The following PCDHA12 variants were observed in gnomAD, a reference collection of about 807,000 sequenced individuals.
PCDHA12 encodes the protein protocadherin alpha-12.
PCDHA12 carries 44 observed loss-of-function variants against 60.0 expected under a neutral mutation model. The observed-to-expected ratio is 0.73, with a 90% CI of 0.58 to 0.94. PCDHA12 has a LOEUF of 0.94. Among genes scored for constraint, PCDHA12 ranks in the 40% least tolerant of loss-of-function variants. PCDHA12 has a pLI of 0.00. For synonymous variants in PCDHA12, 569 were observed against 553.0 expected (o/e 1.03, Z -0.40); for missense variants, 1,276 against 1,239.7 (o/e 1.03, Z -0.44).
intron 1 of PCDHA12, among the ~76,000 whole-genome samples, chr5:140,890,263 A>G (rs1357896634): frequency 6.6e-6 from 1 of 152,194 alleles, no homozygotes; most frequent in Admixed American, 6.5e-5. Flanking sequence ...ACCTGATTGC[A>G]AGCAAGAACC....
At chr5:140,919,127 T>A (rs2079016296) in intron 1 of PCDHA12, among the ~76,000 whole-genome samples, 1 of 152,192 alleles carries the variant, frequency 6.6e-6, no homozygotes, top group East Asian at 1.9e-4. Flanking sequence ...TTGCTTCATG[T>A]GTTTTGGGGC....
At chr5:140,885,595 A>G (rs1386755812) in intron 1 of PCDHA12, among the ~76,000 whole-genome samples, 1 of 152,218 alleles carries the variant, frequency 6.6e-6, no homozygotes, top group Non-Finnish European at 1.5e-5. Context: ...CATCAAAGAT[A>G]TTAATAATTT....
chr5:140,899,269 A>G (rs1301807291), intron 1 of PCDHA12, among the ~76,000 whole-genome samples: 43 of 152,142 alleles, frequency 2.8e-4, no homozygotes, highest in African/African-American at 1.0e-3. Flanking sequence ...GTCTTGTGGC[A>G]GTTTTCAAAG....
Position 140,877,792 on chromosome 5 carries a change from C to A in PCDHA12, c.2320C>A (p.Pro774Thr), listed in dbSNP as rs782259804. 1.9e-6 allele frequency: 3 copies of A among 1,613,886 alleles called. No homozygotes were observed. Among genetic ancestry groups the A allele is most frequent in the Non-Finnish European group, 2.5e-6 (3 of 1,179,960 alleles). Reference sequence around the variant, plus strand: ...CAAGACGGACCTCATGGCCTTCAGCCCAAGCCTTCAGCTGTCTCGAGAAGA... The same window carrying A: ...CAAGACGGACCTCATGGCCTTCAGCACAAGCCTTCAGCTGTCTCGAGAAGA... The part of the protein sequence containing the change: ...PPKTDLMAFS[P>T]SLQLSREDCL... Residue 774 changes from proline to threonine, a missense_variant, in exon 1 of 4, where the codon CCA becomes ACA. Pro to Thr is a conservative substitution (Grantham distance 38). Transcript: ENST00000398631.
intron 1 of PCDHA12, among the ~76,000 whole-genome samples, chr5:140,936,885 T>C (rs1490428437): frequency 6.6e-6 from 1 of 152,238 alleles, no homozygotes; most frequent in Non-Finnish European, 1.5e-5. Context: ...CCTGCTTTGA[T>C]TTTAATTGGC....
intron 3 of PCDHA12, among the ~76,000 whole-genome samples, chr5:140,984,251 T>C (rs1164028325): frequency 6.6e-6 from 1 of 152,210 alleles, no homozygotes; most frequent in Non-Finnish European, 1.5e-5. Flanking sequence ...GTCGACCTGG[T>C]AAGCCACAAA....
intron 3 of PCDHA12, among the ~76,000 whole-genome samples, chr5:141,005,681 G>A (rs970656529): frequency 2.7e-5 from 3 of 112,616 alleles, no homozygotes; most frequent in African/African-American, 3.6e-5. Flanking sequence ...CAGCCTGGGC[G>A]ACAGAGCGAA....
rs1387090858 is a variant in PCDHA12, at chr5:140,923,184, T to C, written c.2367+45345T>C. Reference sequence around the variant, plus strand: ...AGATAAATTTTTGTTCAGATGCATCTACTGCAGCAATTTGGGAGGCTAAGG... The same window carrying C: ...AGATAAATTTTTGTTCAGATGCATCCACTGCAGCAATTTGGGAGGCTAAGG... On this transcript the variant is annotated intron_variant, in intron 1 of 3. Transcript: ENST00000398631. Among the ~76,000 whole-genome samples the C allele has an allele frequency of 3.9e-5, 6 of 152,146 alleles. No homozygotes were observed. In the East Asian group the frequency reaches 1.2e-3, roughly 29 times the overall value.
chr5:140,902,258 G>A (rs1389556264), intron 1 of PCDHA12, among the ~76,000 whole-genome samples: 2 of 137,592 alleles, frequency 1.5e-5, no homozygotes, highest in African/African-American at 5.6e-5. Context: ...GGCTGGTCTC[G>A]AACTCCTGGG....
chr5:140,993,234 A>AATCTG (rs1554253510), intron 3 of PCDHA12, among the ~76,000 whole-genome samples: 1 of 152,130 alleles, frequency 6.6e-6, no homozygotes, highest in Non-Finnish European at 1.5e-5. Flanking sequence ...GTTCTCTCTG[A>AATCTG]ATCTGGGGAT....
At chr5:140,956,217 T>A (rs1554222303) in intron 1 of PCDHA12, among the ~76,000 whole-genome samples, 1 of 152,208 alleles carries the variant, frequency 6.6e-6, no homozygotes, top group Non-Finnish European at 1.5e-5. Context: ...GGCATCCTTG[T>A]CTTGTGCTGG....
intron 1 of PCDHA12, among the ~76,000 whole-genome samples, chr5:140,942,619 T>TA (rs35075175): frequency 5.6e-4 from 83 of 148,996 alleles, no homozygotes; most frequent in Non-Finnish European, 6.7e-4. Flanking sequence ...TTGCCAATTG[T>TA]AAAAAAAAAA....
intron 1 of PCDHA12, chr5:140,884,124 G>C: frequency 6.2e-7 from 1 of 1,613,344 alleles, no homozygotes; most frequent in Non-Finnish European, 8.5e-7. Flanking sequence ...GTCGGCGCGC[G>C]CATCCCGTTC....
chr5:140,941,251 CTT>C (rs1177440606), intron 1 of PCDHA12, among the ~76,000 whole-genome samples: 1 of 121,786 alleles, frequency 8.2e-6, no homozygotes, highest in African/African-American at 3.1e-5. Flanking sequence ...TTCTTTCTTT[CTT>C]TCTCTTTCTT....
intron 1 of PCDHA12, among the ~76,000 whole-genome samples, chr5:140,885,181 T>A (rs561922365): frequency 6.6e-6 from 1 of 152,330 alleles, no homozygotes; most frequent in African/African-American, 2.4e-5. Flanking sequence ...TCTAGGCACA[T>A]CAGTGTTCCC....
At position 140,996,204 on chromosome 5, in the gene PCDHA12, A is replaced by G. The variant is rs1405552013; in HGVS notation, c.2516-13423A>G. ...TCCATTTTATACCCTCAATGCAAGG[A>G]TATCACTACTTGTCTAGAAATGGTT... On this transcript the variant is annotated intron_variant, in intron 3 of 3. Coordinates refer to ENST00000398631, the MANE Select transcript of PCDHA12 (RefSeq NM_018903.4). Among the ~76,000 whole-genome samples the G allele has an allele frequency of 7.2e-5, 11 of 152,240 alleles. No homozygotes were observed. The South Asian group carries it at 2.3e-3, about 32-fold the overall frequency.
chr5:140,967,898 G>A (rs751530394), intron 1 of PCDHA12: 9 of 1,614,046 alleles, frequency 5.6e-6, no homozygotes, highest in Non-Finnish European at 7.6e-6. Context: ...GCCTGAGAAT[G>A]CTACACCCAA....
intron 1 of PCDHA12, among the ~76,000 whole-genome samples, chr5:140,897,304 G>C (rs1297881439): frequency 1.7e-4 from 25 of 150,768 alleles, no homozygotes; most frequent in African/African-American, 6.1e-4. Flanking sequence ...TTTAGCATTA[G>C]GTATATCTCC....
At chr5:140,937,142 A>G (rs1362886135) in intron 1 of PCDHA12, among the ~76,000 whole-genome samples, 1 of 147,852 alleles carries the variant, frequency 6.8e-6, no homozygotes, top group Non-Finnish European at 1.5e-5. Context: ...GGTTCATGCC[A>G]TTCTCCTGCC....
Sources: gnomAD v4.1 joint callset for allele counts (sites outside exome capture counted in the v4.1 genomes callset) on GRCh38, gnomAD v4.1.1 for gene constraint, MANE v1.5 for transcripts, NCBI Gene and HGNC (gene_info 2026-07-23, HGNC 2026-07-21) for gene names.